ADRA1B: variants seen among roughly 807,000 people sequenced by gnomAD.
The protein encoded by ADRA1B is adrenoceptor alpha 1B.
Under a neutral mutation model 17.9 loss-of-function variants are expected in ADRA1B, and 17 were observed. The observed-to-expected ratio is 0.95, with a 90% CI of 0.65 to 1.42. The LOEUF (loss-of-function observed/expected upper bound fraction) is 1.42. Among genes scored for constraint, ADRA1B ranks in the 40% most tolerant of loss-of-function variants. The probability of loss-of-function intolerance (pLI) is 0.00; values close to 1 mark genes in which losing one functional copy is unlikely to be tolerated. For missense variants in ADRA1B, 681 were observed against 722.1 expected (o/e 0.94, Z 0.65); for synonymous variants, 366 against 327.6 (o/e 1.12, Z -1.27).
the ADRA1B span, among the ~76,000 whole-genome samples, chr5:159,988,069 G>T: frequency 6.6e-6 from 1 of 152,170 alleles, no homozygotes; most frequent in Non-Finnish European, 1.5e-5. Context: ...TTATCCTGGT[G>T]GGCCTGATAT....
chr5:159,925,123 T>C (rs1754609182), intron 1 of ADRA1B, among the ~76,000 whole-genome samples: 1 of 152,160 alleles, frequency 6.6e-6, no homozygotes, highest in Non-Finnish European at 1.5e-5. Flanking sequence ...GATGGGTTCA[T>C]CATTGGAGCT....
chr5:159,924,443 G>T (rs1037732587), intron 1 of ADRA1B, among the ~76,000 whole-genome samples: 2 of 152,162 alleles, frequency 1.3e-5, no homozygotes, highest in Non-Finnish European at 2.9e-5. Context: ...ACAAATATTT[G>T]TGAGGAAAAC....
chr5:159,967,452 G>C (rs1328010889), intron 1 of ADRA1B, among the ~76,000 whole-genome samples: 1 of 152,098 alleles, frequency 6.6e-6, no homozygotes, highest in African/African-American at 2.4e-5. Flanking sequence ...TTTAGAAAAT[G>C]GTCACTATTT....
rs192369612 is a variant in ADRA1B, at chr5:159,959,689, G to A, written c.950-12190G>A. ...AGTTAAAAGTGACACAAAATTCCTG[G>A]CTTCTAGATACTTGCATTTTAATAG... On this transcript the variant is annotated intron_variant, in intron 1 of 1. Coordinates refer to ENST00000306675, the MANE Select transcript of ADRA1B (RefSeq NM_000679.4). Among the ~76,000 whole-genome samples the A allele has an allele frequency of 1.0e-3, 157 of 151,990 alleles. 1 individual carries two copies. Among genetic ancestry groups the A allele is most frequent in the African/African-American group, 3.6e-3 (151 of 41,438 alleles).
the ADRA1B span, among the ~76,000 whole-genome samples, chr5:159,981,849 C>G: frequency 6.6e-6 from 1 of 152,142 alleles, no homozygotes; most frequent in East Asian, 1.9e-4. Context: ...GTGACTCACG[C>G]CTGTAATCCC....
At chr5:159,899,106 C>T (rs1326469492) in intron 1 of ADRA1B, among the ~76,000 whole-genome samples, 1 of 151,340 alleles carries the variant, frequency 6.6e-6, no homozygotes, top group Non-Finnish European at 1.5e-5. Flanking sequence ...TTGATCATGC[C>T]ACTGCACTCC....
chr5:159,916,700 C>T lies in ADRA1B; in HGVS notation c.-206C>T. 1.8e-6 allele frequency: 1 copy of T among 567,620 alleles called. No homozygotes were observed. The highest frequency in any genetic ancestry group is 3.1e-6 in the Non-Finnish European group (1 of 322,298). 35.2% of individuals were successfully genotyped at this position (567,620 alleles called of 1,614,324 possible). On this transcript the variant is annotated 5_prime_UTR_variant, in exon 1 of 2. Coordinates refer to ENST00000306675, the MANE Select transcript of ADRA1B (RefSeq NM_000679.4). ...CGCCTCGTCCCCTCTCCTCCTCCTC[C>T]TCCCTCTGACAGGCGAGCGAGCGAC...
At position 159,917,248 on chromosome 5, in the gene ADRA1B, C is replaced by T; in HGVS notation, c.343C>T (p.Arg115Trp). 1.9e-6 allele frequency: 3 copies of T among 1,614,134 alleles called. No individual in the cohort carries two copies. Among genetic ancestry groups the T allele is most frequent in the Non-Finnish European group, 2.5e-6 (3 of 1,180,032 alleles). The change falls in exon 1 of 2, where the codon CGG becomes TGG. Residue 115 changes from arginine to tryptophan, a missense_variant. Physicochemically the swap from Arg to Trp is moderately radical, Grantham distance 101. Coordinates refer to ENST00000306675, the MANE Select transcript of ADRA1B (RefSeq NM_000679.4). The part of the protein sequence containing the change: ...LEVLGYWVLG[R>W]IFCDIWAAVD... The stretch of plus-strand genomic sequence containing the variant: ...GGTGCTCGGCTACTGGGTGCTGGGG[C>T]GGATCTTCTGTGACATCTGGGCAGC...
intron 1 of ADRA1B, among the ~76,000 whole-genome samples, chr5:159,886,218 T>C (rs139355589): frequency 5.4e-4 from 83 of 152,338 alleles, no homozygotes; most frequent in African/African-American, 1.9e-3. Context: ...AAGGGACCCA[T>C]AGTCTGCCTT....
downstream of ADRA1B, among the ~76,000 whole-genome samples, chr5:159,974,523 C>G (rs1379641732): frequency 6.6e-6 from 1 of 151,744 alleles, no homozygotes; most frequent in East Asian, 1.9e-4. Flanking sequence ...GTAATCCCAG[C>G]TATTCGGGAG....
chr5:159,948,615 C>T (rs1755341486), intron 1 of ADRA1B: 2 of 331,972 alleles, frequency 6.0e-6, no homozygotes, highest in Non-Finnish European at 8.6e-6. Context: ...CATATTTATT[C>T]AGCCATTTTT....
intron 1 of ADRA1B, among the ~76,000 whole-genome samples, chr5:159,963,807 G>A (rs1581069780): frequency 6.6e-6 from 1 of 152,164 alleles, no homozygotes; most frequent in Non-Finnish European, 1.5e-5. Flanking sequence ...ATGACCTGCT[G>A]GGGCCATGTC....
chr5:159,981,501 G>A, the ADRA1B span, among the ~76,000 whole-genome samples: 1 of 152,032 alleles, frequency 6.6e-6, no homozygotes, highest in Admixed American at 6.5e-5. Flanking sequence ...CTTTTTGTTT[G>A]TTTGCTTGTT....
At chr5:159,892,885 C>A (rs1754001385) in intron 1 of ADRA1B, among the ~76,000 whole-genome samples, 1 of 152,088 alleles carries the variant, frequency 6.6e-6, no homozygotes, top group African/African-American at 2.4e-5. Flanking sequence ...GTATTTCTAC[C>A]TTTAGGTCGC....
At chr5:159,866,518 C>T (rs927056587) in intron 1 of ADRA1B, among the ~76,000 whole-genome samples, 17 of 148,104 alleles carry the variant, frequency 1.1e-4, no homozygotes, top group South Asian at 2.2e-4. Context: ...ACCCGGGAGG[C>T]GGAGGTTGGG....
chr5:159,972,104 C>G lies in ADRA1B; in HGVS notation c.1175C>G (p.Thr392Arg). ...TGCGCCTACACCTACCGGCCGTGGA[C>G]GCGCGGCGGCTCGCTGGAGCGCTCG... ...GGCAYTYRPW[T>R]RGGSLERSQS... Residue 392 changes from threonine to arginine, a missense_variant, in exon 2 of 2, where the codon ACG becomes AGG. Thr to Arg is a moderately conservative substitution (Grantham distance 71). Transcript: ENST00000306675. 1 of 1,295,258 alleles carries G rather than the reference C, an allele frequency of 7.7e-7. No homozygotes were observed. The highest frequency in any genetic ancestry group is 9.8e-7 in the Non-Finnish European group (1 of 1,015,458). 80.2% of individuals were successfully genotyped at this position (1,295,258 alleles called of 1,614,324 possible).
upstream of ADRA1B, among the ~76,000 whole-genome samples, chr5:159,914,666 G>A (rs146965554): frequency 2.6e-4 from 40 of 152,208 alleles, no homozygotes; most frequent in Non-Finnish European, 2.6e-4. Context: ...CCTTCGATAC[G>A]TGTATGATAA....
chr5:159,877,065 C>G (rs886458691), intron 1 of ADRA1B, among the ~76,000 whole-genome samples: 2 of 152,042 alleles, frequency 1.3e-5, no homozygotes, highest in Non-Finnish European at 2.9e-5. Context: ...GAAGGGCAGC[C>G]CCTCTGGTTG....
intron 1 of ADRA1B, among the ~76,000 whole-genome samples, chr5:159,925,035 G>T (rs931700090): frequency 1.3e-5 from 2 of 152,208 alleles, no homozygotes; most frequent in African/African-American, 4.8e-5. Flanking sequence ...GGAAACAGAA[G>T]CTCAGAGAGA....
Sources: allele counts gnomAD v4.1 joint callset (sites outside exome capture counted in the v4.1 genomes callset), GRCh38; gene constraint gnomAD v4.1.1; transcripts MANE v1.5; gene names NCBI Gene and HGNC (gene_info 2026-07-23, HGNC 2026-07-21).